The following GNB4 variants were observed in gnomAD, a reference collection of about 807,000 sequenced individuals.
The protein encoded by GNB4 is guanine nucleotide-binding protein subunit beta-4.
Under a neutral mutation model 45.2 loss-of-function variants are expected in GNB4, and 28 were observed. That is an observed-to-expected ratio of 0.62 (90% CI 0.46 to 0.85). The LOEUF (loss-of-function observed/expected upper bound fraction) is 0.85, where lower values mean the gene tolerates loss of function less well. Among genes scored for constraint, GNB4 ranks in the 40% least tolerant of loss-of-function variants. The pLI is 0.00. For synonymous variants in GNB4, 132 were observed against 143.7 expected (o/e 0.92, Z 0.58); for missense variants, 321 against 425.4 (o/e 0.75, Z 2.16).
chr3:179,403,306 A>G (rs1436016604), intron 9 of GNB4, among the ~76,000 whole-genome samples: 1 of 152,090 alleles, frequency 6.6e-6, no homozygotes, highest in Non-Finnish European at 1.5e-5. Flanking sequence ...AAATGAAGAA[A>G]AAAAAAACTT....
rs184420233 is a variant in GNB4, at chr3:179,427,269, C to G, written c.-42-1027G>C. On this transcript the variant is annotated intron_variant, in intron 1 of 9. Transcript: ENST00000232564. Reference sequence around the variant, plus strand: ...TGTTTTTCACTATGAGACTCAACACCATCAGCATGTATTTACTTACTTGTG... The same window carrying G: ...TGTTTTTCACTATGAGACTCAACACGATCAGCATGTATTTACTTACTTGTG... Among the ~76,000 whole-genome samples the G allele has an allele frequency of 2.0e-3, 303 of 152,108 alleles. 2 individuals carry two copies. The highest frequency in any genetic ancestry group is 6.7e-3 in the African/African-American group (279 of 41,500).
chr3:179,474,737 C>CTTTTTTTTTTTTTTTTTT, the GNB4 span, among the ~76,000 whole-genome samples: 167 of 59,728 alleles, frequency 2.8e-3, 4 homozygotes, highest in South Asian at 4.7e-3. Flanking sequence ...AGACTGGGTC[C>CTTTTTTTTTTTTTTTTTT]TTTTTTTTTT....
the GNB4 span, among the ~76,000 whole-genome samples, chr3:179,527,777 C>T: frequency 8.2e-6 from 1 of 122,146 alleles, no homozygotes; most frequent in African/African-American, 3.1e-5. Flanking sequence ...CTGATAAGTG[C>T]GTGTGTGTAT....
the GNB4 span, among the ~76,000 whole-genome samples, chr3:179,521,440 T>C: frequency 6.6e-6 from 1 of 152,220 alleles, no homozygotes; most frequent in African/African-American, 2.4e-5. Flanking sequence ...CCTGTATAGA[T>C]GCTCCTTTTT....
At chr3:179,424,766 G>A (rs1466389602) in intron 2 of GNB4, among the ~76,000 whole-genome samples, 1 of 151,874 alleles carries the variant, frequency 6.6e-6, no homozygotes, top group Non-Finnish European at 1.5e-5. Flanking sequence ...CACCACACCC[G>A]GCTAACGTTT....
At position 179,434,730 on chromosome 3, in the gene GNB4, A is replaced by G. The variant is rs545835212; in HGVS notation, c.-42-8488T>C. ...AGCAAAACTCTGTCTCATTAAAAAA[A>G]AAAAAGAAAGAAGAAAAAAAGAATG... On this transcript the variant is annotated intron_variant, in intron 1 of 9. Transcript: ENST00000232564. Among the ~76,000 whole-genome samples the G allele has an allele frequency of 2.6e-5, 4 of 151,990 alleles. 1 individual carries two copies. The East Asian group carries it at 7.7e-4, about 29-fold the overall frequency.
intron 2 of GNB4, among the ~76,000 whole-genome samples, chr3:179,425,276 C>T (rs1258104958): frequency 2.0e-5 from 3 of 152,134 alleles, no homozygotes; most frequent in Non-Finnish European, 2.9e-5. Flanking sequence ...CCCACGCAGA[C>T]GCCTCCTCTC....
rs1167931862 is a variant in GNB4, at chr3:179,405,203, T to A, written c.903A>T (p.Lys301Asn). The A allele has an allele frequency of 2.5e-6, 4 of 1,613,586 alleles. No homozygotes were observed. Among genetic ancestry groups the A allele is most frequent in the South Asian group, 1.1e-5 (1 of 90,994 alleles). ...DFNCNVWDTL[K>N]GDRAGVLAGH... Reference sequence around the variant, plus strand: ...TTATTTACTAACCTGCACGATCTCCTTTTAGCGTGTCCCATACATTACAAT... The same window carrying A: ...TTATTTACTAACCTGCACGATCTCCATTTAGCGTGTCCCATACATTACAAT... The change falls in exon 9 of 10, where the codon AAA (lysine) becomes AAT (asparagine). Residue 301 changes from lysine (K) to asparagine (N), a missense_variant. By Grantham distance (94) the Lys-to-Asn change is moderately conservative (BLOSUM62 0). Coordinates refer to ENST00000232564, the MANE Select transcript of GNB4 (RefSeq NM_021629.4).
At chr3:179,461,031 G>GC in the GNB4 span, among the ~76,000 whole-genome samples, 1,234 of 152,130 alleles carry the variant, frequency 8.1e-3, 25 homozygotes, top group African/African-American at 0.028. Context: ...GTGTCCAGGG[G>GC]CCCCTTCTTT....
the GNB4 span, among the ~76,000 whole-genome samples, chr3:179,521,505 A>G: frequency 7.2e-5 from 11 of 152,172 alleles, no homozygotes; most frequent in South Asian, 2.3e-3. Flanking sequence ...CACCCCAAAA[A>G]AACTTGTCAT....
intron 3 of GNB4, among the ~76,000 whole-genome samples, chr3:179,420,676 G>A (rs890707710): frequency 6.6e-6 from 1 of 151,818 alleles, no homozygotes; most frequent in African/African-American, 2.4e-5. Context: ...TATTTTTATA[G>A]CATTTATTTT....
At chr3:179,498,072 T>C in the GNB4 span, among the ~76,000 whole-genome samples, 1 of 152,168 alleles carries the variant, frequency 6.6e-6, no homozygotes, top group Admixed American at 6.5e-5. Flanking sequence ...AATCAGTATC[T>C]CAAAAAGATA....
the GNB4 span, among the ~76,000 whole-genome samples, chr3:179,501,388 T>C: frequency 6.6e-6 from 1 of 151,780 alleles, no homozygotes. Flanking sequence ...AACCTCTGTC[T>C]CTTAGCTTCA....
the GNB4 span, among the ~76,000 whole-genome samples, chr3:179,482,533 G>T: frequency 6.6e-6 from 1 of 152,228 alleles, no homozygotes; most frequent in South Asian, 2.1e-4. Context: ...GTAAAAGATA[G>T]AATCCCTCTT....
At chr3:179,475,441 TTTTTA>T in the GNB4 span, among the ~76,000 whole-genome samples, 1 of 149,808 alleles carries the variant, frequency 6.7e-6, no homozygotes, top group Non-Finnish European at 1.5e-5. Context: ...TTTATTTTCA[TTTTTA>T]TTTTATTTTA....
At chr3:179,489,046 A>ATATAATT in the GNB4 span, among the ~76,000 whole-genome samples, 1 of 38,764 alleles carries the variant, frequency 2.6e-5, no homozygotes, top group Admixed American at 4.8e-4. Context: ...ATATATATAT[A>ATATAATT]ATATATATGT....
the GNB4 span, among the ~76,000 whole-genome samples, chr3:179,521,396 C>T: frequency 6.6e-6 from 1 of 152,172 alleles, no homozygotes; most frequent in Non-Finnish European, 1.5e-5. Context: ...CAGGCCTGTC[C>T]TCGGAATGCT....
chr3:179,420,347 C>T (rs1178660219), intron 3 of GNB4, among the ~76,000 whole-genome samples: 1 of 150,248 alleles, frequency 6.7e-6, no homozygotes, highest in Non-Finnish European at 1.5e-5. Flanking sequence ...ACCATGTTGG[C>T]CAGGCTGGCC....
the GNB4 span, chr3:179,464,972 G>A: frequency 1.3e-6 from 2 of 1,543,728 alleles, no homozygotes; most frequent in African/African-American, 2.7e-5. Flanking sequence ...AATGCCCATT[G>A]CAATGTTACT....
Sources: gnomAD v4.1 joint callset for allele counts (sites outside exome capture counted in the v4.1 genomes callset) on GRCh38, gnomAD v4.1.1 for gene constraint, MANE v1.5 for transcripts, NCBI Gene and HGNC (gene_info 2026-07-23, HGNC 2026-07-21) for gene names.